The following C2orf74 variants were observed in gnomAD, a reference collection of about 807,000 sequenced individuals.
C2orf74 encodes the protein uncharacterized protein C2orf74.
C2orf74 carries 14 observed loss-of-function variants against 17.9 expected under a neutral mutation model. The ratio of observed to expected loss-of-function variants is 0.78; its 90% confidence interval spans 0.52 to 1.22. C2orf74 has a LOEUF of 1.22. Ranked by LOEUF, C2orf74 falls within the 50% of genes most tolerant of loss-of-function variation. The pLI, the probability that C2orf74 is intolerant of heterozygous loss-of-function variation, is 0.00. For synonymous variants in C2orf74, 79 were observed against 72.6 expected, an observed-to-expected ratio of 1.09 and a Z score of -0.44; for missense variants, 217 against 218.4, an observed-to-expected ratio of 0.99 and a Z score of 0.04.
At chr2:61,153,911 A>AG (rs201562237) in intron 1 of C2orf74, among the ~76,000 whole-genome samples, 1 of 148,270 alleles carries the variant, frequency 6.7e-6, no homozygotes, top group Non-Finnish European at 1.5e-5. Flanking sequence ...AAAGAAAGAA[A>AG]AAAAGAAAAT....
At chr2:61,146,210 G>A (rs927565862) in intron 1 of C2orf74, among the ~76,000 whole-genome samples, 5 of 152,194 alleles carry the variant, frequency 3.3e-5, no homozygotes, top group African/African-American at 1.2e-4. Flanking sequence ...AAAAGAGTGA[G>A]GAATCAGTTC....
At chr2:61,158,735 T>C (rs560476692), upstream of C2orf74, among the ~76,000 whole-genome samples, 1 of 152,244 alleles carries the variant, frequency 6.6e-6, no homozygotes, top group East Asian at 1.9e-4. Context: ...ATGGGGAGTC[T>C]GGTGTCTCAT....
In C2orf74 at chr2:61,164,539, G is replaced by T; in HGVS notation, c.*12G>T. ...AAGAGAGGAAATGAAGCTCAAAAAA[G>T]GGTAAGAGTGAAAGAAAATGTAACG... On this transcript the variant is annotated 3_prime_UTR_variant, in exon 5 of 5. Transcript: ENST00000432605. 6.7e-7 allele frequency: 1 copy of T among 1,481,482 alleles called. No homozygotes were observed. The highest frequency in any genetic ancestry group is 9.0e-7 in the Non-Finnish European group (1 of 1,114,052). The allele number at this position is 1,481,482 out of a possible 1,614,324, so 91.8% of individuals were successfully genotyped here.
chr2:61,146,510 T>C (rs1050401038), intron 1 of C2orf74, among the ~76,000 whole-genome samples: 2 of 152,124 alleles, frequency 1.3e-5, no homozygotes, highest in Non-Finnish European at 2.9e-5. Flanking sequence ...AACACTACAA[T>C]AACTTTTTTT....
chr2:61,149,973 C>G (rs1385503167), intron 1 of C2orf74, among the ~76,000 whole-genome samples: 2 of 152,116 alleles, frequency 1.3e-5, no homozygotes, highest in African/African-American at 4.8e-5. Flanking sequence ...GTGGCTTAGT[C>G]TACTTCTTGT....
chr2:61,145,706 A>T (rs1244159962), intron 1 of C2orf74, among the ~76,000 whole-genome samples: 3 of 152,112 alleles, frequency 2.0e-5, no homozygotes, highest in Non-Finnish European at 4.4e-5. Flanking sequence ...TACAGGCGTG[A>T]GCCACCGCGC....
rs761438405 is a variant in C2orf74, at chr2:61,162,650, A to G, written c.95+41A>G. On this transcript the variant is annotated intron_variant, in intron 2 of 4. Coordinates refer to ENST00000432605, the MANE Select transcript of C2orf74 (RefSeq NM_001143959.4). ...GATAATTGGGATCAGATTTCAAGTC[A>G]CATTAGCAAATGTGTATAGAAATAA... The G allele has an allele frequency of 1.3e-5, 17 of 1,270,170 alleles. No individual in the cohort carries two copies. In the African/African-American group the frequency reaches 2.5e-4, roughly 19 times the overall value. 78.7% of individuals were successfully genotyped at this position (1,270,170 alleles called of 1,614,324 possible).
At chr2:61,148,747 C>T (rs559687121) in intron 1 of C2orf74, among the ~76,000 whole-genome samples, 9 of 151,994 alleles carry the variant, frequency 5.9e-5, no homozygotes, top group Non-Finnish European at 1.0e-4. Flanking sequence ...GATGGATCCT[C>T]GCCTTGTCAC....
intron 1 of C2orf74, among the ~76,000 whole-genome samples, chr2:61,148,157 T>C (rs1488379784): frequency 6.8e-6 from 1 of 147,976 alleles, no homozygotes; most frequent in Non-Finnish European, 1.5e-5. Flanking sequence ...TAAAAATGTA[T>C]ATGTATTATA....
chr2:61,158,980 G>GTTGT (rs147042505), upstream of C2orf74, among the ~76,000 whole-genome samples: 6,360 of 150,220 alleles, frequency 0.042, 232 homozygotes, highest in East Asian at 0.2. Context: ...GTTTTTTTTT[G>GTTGT]TTGTTTGTTT....
intron 1 of C2orf74, among the ~76,000 whole-genome samples, chr2:61,147,222 CCTTTT>C (rs1396953141): frequency 1.9e-5 from 2 of 105,158 alleles, no homozygotes; most frequent in African/African-American, 3.6e-5. Flanking sequence ...CCTTTCCTTT[CCTTTT>C]TTTTTTTTGA....
chr2:61,148,930 A>G (rs771975625), intron 1 of C2orf74, among the ~76,000 whole-genome samples: 6 of 152,148 alleles, frequency 3.9e-5, no homozygotes, highest in Non-Finnish European at 7.4e-5. Flanking sequence ...TAGGGAGGCT[A>G]TGCCTGTGTC....
At position 61,153,888 on chromosome 2, in the gene C2orf74, CA is replaced by C. The variant is rs1357222371; in HGVS notation, c.-122+8701del. On this transcript the variant is annotated intron_variant, in intron 1 of 3. Coordinates refer to the C2orf74 transcript ENST00000426997. ...TGGGTGACAGAGCAACACTCCGTCT[CA>C]AAAAAAAAGAAAAAGAAAGAAAAAA... Among the ~76,000 whole-genome samples, 4 of 125,596 alleles carry C rather than the reference CA, an allele frequency of 3.2e-5. No individual in the cohort carries two copies. The East Asian group carries it at 6.9e-4, about 22-fold the overall frequency. The allele number at this position is 125,596 out of a possible 152,430, so 82.4% of individuals were successfully genotyped here. A position where few individuals can be genotyped will look rare whatever the true frequency, so the allele number is the denominator to read the frequency against.
At position 61,164,512 on chromosome 2, in the gene C2orf74, T is replaced by A; in HGVS notation, c.549T>A (p.His183Gln). 6.6e-7 allele frequency: 1 copy of A among 1,526,158 alleles called. No homozygotes were observed. 94.5% of individuals were successfully genotyped at this position (1,526,158 alleles called of 1,614,324 possible). Reference protein sequence around the residue: ...YPTPRSYTREHKERK With the variant: ...YPTPRSYTREQKERK ...CACCTCGAAGCTATACTCGAGAACA[T>A]AAAGAGAGGAAATGAAGCTCAAAAA... Residue 183 changes from histidine to glutamine, a missense_variant, in exon 5 of 5, where the codon CAT becomes CAA. By Grantham distance (24) the His-to-Gln change is conservative (BLOSUM62 0). Transcript: ENST00000432605.
upstream of C2orf74, chr2:61,159,568 T>A (rs1293750886): frequency 6.1e-6 from 1 of 163,996 alleles, no homozygotes; most frequent in Non-Finnish European, 1.3e-5. Flanking sequence ...AGTGCTGGGA[T>A]TACAGGCATG....
At chr2:61,158,980 GTTGTTTGTTTGTTTGT>G (rs147042505), upstream of C2orf74, among the ~76,000 whole-genome samples, 8 of 150,134 alleles carry the variant, frequency 5.3e-5, no homozygotes, top group African/African-American at 1.5e-4. Flanking sequence ...GTTTTTTTTT[GTTGTTTGTTTGTTTGT>G]TTGTTTGTTT....
At chr2:61,146,497 A>G (rs539041576) in intron 1 of C2orf74, among the ~76,000 whole-genome samples, 15 of 152,298 alleles carry the variant, frequency 9.8e-5, no homozygotes, top group African/African-American at 3.6e-4. Flanking sequence ...TAAAAACAAA[A>G]ATAACACTAC....
chr2:61,162,808 T>G (rs1685603331), intron 2 of C2orf74, 34 bp from the exon 3 acceptor site: 2 of 1,516,172 alleles, frequency 1.3e-6, no homozygotes, highest in South Asian at 2.4e-5. Context: ...GGGCCATTCT[T>G]CCTTTTCTGA....
intron 1 of C2orf74, among the ~76,000 whole-genome samples, chr2:61,148,477 C>CA (rs1458083497): frequency 2.0e-5 from 3 of 152,062 alleles, no homozygotes; most frequent in African/African-American, 7.2e-5. Flanking sequence ...ATCAGCCATG[C>CA]ACCTGGCCTG....
Sources: gnomAD v4.1 joint callset for allele counts (sites outside exome capture counted in the v4.1 genomes callset) on GRCh38, gnomAD v4.1.1 for gene constraint, MANE v1.5 for transcripts, NCBI Gene and HGNC (gene_info 2026-07-23, HGNC 2026-07-21) for gene names.